The following HIPK3 variants were observed in gnomAD, a reference collection of about 807,000 sequenced individuals.
HIPK3 encodes the protein homeodomain-interacting protein kinase 3.
HIPK3 carries 47 observed loss-of-function variants against 124.2 expected under a neutral mutation model. The observed-to-expected ratio is 0.38, with a 90% CI of 0.30 to 0.48. The LOEUF (loss-of-function observed/expected upper bound fraction) is 0.48. Ranked by LOEUF, HIPK3 falls within the 20% of genes least tolerant of loss-of-function variation. HIPK3 has a pLI of 0.98. For missense variants in HIPK3, 1,286 were observed against 1,454.3 expected (o/e 0.88, Z 1.88); for synonymous variants, 482 against 515.2 (o/e 0.94, Z 0.87).
chr11:33,288,157 A>G (rs1360189752), intron 2 of HIPK3, among the ~76,000 whole-genome samples: 1 of 152,214 alleles, frequency 6.6e-6, no homozygotes, highest in Non-Finnish European at 1.5e-5. Context: ...AATGATTTTA[A>G]GATTCAGATA....
At chr11:33,280,985 C>G (rs1851397051) in intron 1 of HIPK3, among the ~76,000 whole-genome samples, 1 of 151,614 alleles carries the variant, frequency 6.6e-6, no homozygotes, top group Non-Finnish European at 1.5e-5. Flanking sequence ...TTTCAGATGC[C>G]TGGACCTTAT....
At chr11:33,300,420 A>C (rs901840999) in intron 2 of HIPK3, among the ~76,000 whole-genome samples, 1 of 152,142 alleles carries the variant, frequency 6.6e-6, no homozygotes, top group Non-Finnish European at 1.5e-5. Flanking sequence ...GCAGCCATCA[A>C]CATTAAGGTG....
intron 6 of HIPK3, 34 bp downstream of exon 6, chr11:33,339,568 A>G: frequency 4.2e-6 from 5 of 1,176,764 alleles, no homozygotes; most frequent in Non-Finnish European, 5.9e-6. Flanking sequence ...AAGTGGTTCT[A>G]AAAAAAAATA....
chr11:33,332,158 A>G (rs1397283643), intron 3 of HIPK3, among the ~76,000 whole-genome samples: 2 of 152,230 alleles, frequency 1.3e-5, no homozygotes, highest in African/African-American at 4.8e-5. Flanking sequence ...CCCTTTAATC[A>G]TATTTATCAT....
At chr11:33,352,077 TG>T in intron 15 of HIPK3, 60 bp from the exon 16 acceptor site, 1 of 1,488,454 alleles carries the variant, frequency 6.7e-7, no homozygotes, top group Middle Eastern at 1.8e-4. Flanking sequence ...CTAAAGACTT[TG>T]CTAATTTTTT....
At chr11:33,347,526 T>C in intron 9 of HIPK3, 103 bp from the exon 10 acceptor site, 2 of 1,571,362 alleles carry the variant, frequency 1.3e-6, no homozygotes, top group South Asian at 1.2e-5. Flanking sequence ...TTAATGTTTA[T>C]AATTGTTAGC....
In HIPK3 at chr11:33,353,525, T is replaced by G. The variant is rs768855318; in HGVS notation, c.3605T>G (p.Phe1202Cys). ...YIAASPAYTG[F>C]PLSPTKLSQY... ...GCAGCATCACCTGCATATACTGGAT[T>G]TCCACTGAGTCCAACAAAACTCAGC... Residue 1202 changes from phenylalanine to cysteine, a missense_variant, in exon 17 of 17, where the codon TTT (phenylalanine) becomes TGT (cysteine). Physicochemically the swap from Phe to Cys is radical, Grantham distance 205 (BLOSUM62 -2). This residue lies in a region of HIPK3 where 810 missense variants were observed against 864.9 expected (regional missense o/e 0.94). Transcript: ENST00000303296. 67 of 1,613,768 alleles carry G rather than the reference T, an allele frequency of 4.2e-5. No homozygotes were observed. Among genetic ancestry groups the G allele is most frequent in the Non-Finnish European group, 5.6e-5 (66 of 1,179,776 alleles).
chr11:33,298,274 GT>G (rs1438995113), intron 2 of HIPK3, among the ~76,000 whole-genome samples: 1 of 152,110 alleles, frequency 6.6e-6, no homozygotes, highest in African/African-American at 2.4e-5. Flanking sequence ...TTACAGCATG[GT>G]TTACTGAATA....
At chr11:33,267,499 A>T (rs1371547403) in intron 1 of HIPK3, among the ~76,000 whole-genome samples, 1 of 138,828 alleles carries the variant, frequency 7.2e-6, no homozygotes, top group Non-Finnish European at 1.6e-5. Flanking sequence ...TATTATTATT[A>T]TTATTTTTTT....
Position 33,355,628 on chromosome 11 carries a change from TCACTC to T in HIPK3, c.*2063_*2067del, listed in dbSNP as rs1265944826. ...TAAGCTAATAATGGATAAGTTTTCT[TCACTC>T]CATTAACACAAGCAGTGTTTTATTT... On this transcript the variant is annotated 3_prime_UTR_variant, in exon 17 of 17. Transcript: ENST00000303296. 2 of 151,992 alleles carry T rather than the reference TCACTC, an allele frequency of 1.3e-5. No individual in the cohort carries two copies. Among genetic ancestry groups the T allele is most frequent in the South Asian group, 2.1e-4 (1 of 4,834 alleles). The allele number at this position is 151,992 out of a possible 1,614,324, so 9.4% of individuals were successfully genotyped here. A position where few individuals can be genotyped will look rare whatever the true frequency, so the allele number is the denominator to read the frequency against.
chr11:33,307,460 G>A (rs868444289), intron 2 of HIPK3, among the ~76,000 whole-genome samples: 6 of 148,812 alleles, frequency 4.0e-5, no homozygotes, highest in African/African-American at 1.0e-4. Context: ...GTGCAGTGGC[G>A]TGATCTCGGT....
At chr11:33,350,965 G>A (rs749821696) in intron 14 of HIPK3, among the ~76,000 whole-genome samples, 12 of 152,146 alleles carry the variant, frequency 7.9e-5, no homozygotes, top group Non-Finnish European at 1.5e-4. Context: ...ATAAAAATAT[G>A]TATAAAAAGA....
chr11:33,262,266 T>C (rs2133861707), intron 1 of HIPK3, among the ~76,000 whole-genome samples: 1 of 152,262 alleles, frequency 6.6e-6, no homozygotes, highest in Non-Finnish European at 1.5e-5. Context: ...CAACTTAATA[T>C]TAGTGTGCTG....
rs867952307 is a variant in HIPK3 at position 33,304,063 on chromosome 11, C to G, written c.1097+16552C>G. On this transcript the variant is annotated intron_variant, in intron 2 of 16. Coordinates refer to ENST00000303296, the MANE Select transcript of HIPK3 (RefSeq NM_005734.5). ...TCATGCGATTCCTCTGCCTCAGCCT[C>G]CCAAGTAGCTGGGACTACAGGCGTG... Among the ~76,000 whole-genome samples, 13 of 152,236 alleles carry G rather than the reference C, an allele frequency of 8.5e-5. No individual in the cohort carries two copies. In the Middle Eastern group the frequency reaches 0.014, roughly 159 times the overall value.
chr11:33,336,959 C>A, intron 3 of HIPK3, 116 bp from the exon 4 acceptor site: 1 of 635,276 alleles, frequency 1.6e-6, no homozygotes, highest in Non-Finnish European at 2.6e-6. Flanking sequence ...CAGTGCATTT[C>A]TTGAGGGCAT....
At chr11:33,335,439 T>G (rs899490538) in intron 3 of HIPK3, among the ~76,000 whole-genome samples, 3 of 152,190 alleles carry the variant, frequency 2.0e-5, no homozygotes, top group African/African-American at 7.2e-5. Flanking sequence ...TAGTAGCCAT[T>G]AGTATCAAAG....
chr11:33,312,372 T>G (rs1852375483), intron 2 of HIPK3, among the ~76,000 whole-genome samples: 2 of 152,210 alleles, frequency 1.3e-5, no homozygotes, highest in African/African-American at 4.8e-5. Flanking sequence ...CATGTTCACT[T>G]TAATCCCACT....
chr11:33,299,886 G>C (rs967900688), intron 2 of HIPK3, among the ~76,000 whole-genome samples: 2 of 151,838 alleles, frequency 1.3e-5, no homozygotes, highest in African/African-American at 4.8e-5. Flanking sequence ...AGCTGAGCTT[G>C]GTGGTGTGTG....
At chr11:33,313,227 G>A (rs572083333) in intron 2 of HIPK3, among the ~76,000 whole-genome samples, 1 of 152,160 alleles carries the variant, frequency 6.6e-6, no homozygotes, top group Admixed American at 6.5e-5. Context: ...GAAAATGACA[G>A]TGTCATGAAA....
Sources: allele counts gnomAD v4.1 joint callset (sites outside exome capture counted in the v4.1 genomes callset), GRCh38; gene constraint gnomAD v4.1.1; regional missense constraint gnomAD v4.1.1; transcripts MANE v1.5; gene names NCBI Gene and HGNC (gene_info 2026-07-23, HGNC 2026-07-21).